The following CSGALNACT1 variants were observed in gnomAD, a reference collection of about 807,000 sequenced individuals.
The protein encoded by CSGALNACT1 is chondroitin sulfate N-acetylgalactosaminyltransferase 1, also known as beta4GalNAcT-1.
A neutral mutation model predicts 51.0 loss-of-function variants in CSGALNACT1; 52 were observed. The observed-to-expected ratio is 1.02, with a 90% CI of 0.82 to 1.29. The LOEUF (loss-of-function observed/expected upper bound fraction) is 1.29. Among genes scored for constraint, CSGALNACT1 ranks in the 50% most tolerant of loss-of-function variants. CSGALNACT1 has a pLI of 0.00. For missense variants in CSGALNACT1, 935 were observed against 679.2 expected (o/e 1.38, Z -4.19); for synonymous variants, 341 against 254.4 (o/e 1.34, Z -3.24).
At chr8:19,632,487 C>CAGAAATAAGCATAGCATT (rs1564305058) in intron 1 of CSGALNACT1, among the ~76,000 whole-genome samples, 5 of 152,264 alleles carry the variant, frequency 3.3e-5, no homozygotes, top group African/African-American at 1.2e-4. Context: ...AAAAAGCATT[C>CAGAAATAAGCATAGCATT]GTCAGAAATA....
intron 3 of CSGALNACT1, among the ~76,000 whole-genome samples, chr8:19,579,574 A>G (rs1446094249): frequency 3.3e-5 from 5 of 152,354 alleles, no homozygotes; most frequent in African/African-American, 1.2e-4. Context: ...AGACGGACAC[A>G]TAGGTATTTG....
chr8:19,413,417 C>A lies in CSGALNACT1; in HGVS notation c.1228-4723G>T, dbSNP rs150273096. 2.5e-4 allele frequency among the ~76,000 whole-genome samples: 38 copies of A among 152,290 alleles called. No individual in the cohort carries two copies. The East Asian group carries it at 7.2e-3, about 29-fold the overall frequency. ...CATCTGTGAAATGAGAATAATAGCACCTCTTCCCCTTATTGAGTATTACGT... is the reference window on the plus strand; with the variant it reads ...CATCTGTGAAATGAGAATAATAGCAACTCTTCCCCTTATTGAGTATTACGT... On this transcript the variant is annotated intron_variant, in intron 8 of 9. Coordinates refer to ENST00000454498, the Ensembl canonical transcript of CSGALNACT1.
chr8:19,534,702 G>A (rs2083417659), intron 3 of CSGALNACT1, among the ~76,000 whole-genome samples: 1 of 152,092 alleles, frequency 6.6e-6, no homozygotes, highest in Admixed American at 6.6e-5. Flanking sequence ...AGCCCCAAGT[G>A]ACCTAAACTC....
chr8:19,624,197 T>C (rs1407841762), intron 1 of CSGALNACT1, among the ~76,000 whole-genome samples: 1 of 152,212 alleles, frequency 6.6e-6, no homozygotes, highest in Non-Finnish European at 1.5e-5. Context: ...CTACTACCTC[T>C]GGTTCCTGAT....
intron 4 of CSGALNACT1, among the ~76,000 whole-genome samples, chr8:19,462,685 T>G (rs12680768): frequency 0.36 from 54,902 of 152,014 alleles, 11,227 homozygotes; most frequent in East Asian, 0.85. Flanking sequence ...TGCTGCTTTC[T>G]GTCTTCCACA....
intron 4 of CSGALNACT1, among the ~76,000 whole-genome samples, chr8:19,497,083 G>A (rs1304415600): frequency 6.6e-6 from 1 of 152,158 alleles, no homozygotes; most frequent in Non-Finnish European, 1.5e-5. Context: ...TGCAGCTGAG[G>A]AAGGCGGAGT....
At chr8:19,432,555 A>C (rs1249258499) in intron 6 of CSGALNACT1, among the ~76,000 whole-genome samples, 1 of 151,922 alleles carries the variant, frequency 6.6e-6, no homozygotes, top group Admixed American at 6.6e-5. Flanking sequence ...CCCATTATTC[A>C]TATGTTTGTA....
At chr8:19,714,336 T>G (rs1023512189) in intron 1 of CSGALNACT1, among the ~76,000 whole-genome samples, 1 of 138,296 alleles carries the variant, frequency 7.2e-6, no homozygotes, top group African/African-American at 2.6e-5. Flanking sequence ...CCTGGGTATG[T>G]TTTTTTTTTG....
chr8:19,527,178 A>G (rs549706204), intron 3 of CSGALNACT1, among the ~76,000 whole-genome samples: 2 of 152,364 alleles, frequency 1.3e-5, no homozygotes, highest in South Asian at 4.1e-4. Flanking sequence ...CTGCTAGGAC[A>G]GAGGAACAAA....
intron 3 of CSGALNACT1, among the ~76,000 whole-genome samples, chr8:19,574,250 G>T (rs1190746782): frequency 6.6e-6 from 1 of 152,138 alleles, no homozygotes; most frequent in Non-Finnish European, 1.5e-5. Context: ...TGTATGAGCT[G>T]CTCTACTGGG....
chr8:19,574,112 C>T (rs747276984), intron 3 of CSGALNACT1, among the ~76,000 whole-genome samples: 1 of 152,174 alleles, frequency 6.6e-6, no homozygotes, highest in Non-Finnish European at 1.5e-5. Context: ...TCTTGCAATG[C>T]TATCCAGGTT....
At chr8:19,443,726 G>A (rs917997285) in intron 5 of CSGALNACT1, among the ~76,000 whole-genome samples, 2 of 152,258 alleles carry the variant, frequency 1.3e-5, no homozygotes, top group Middle Eastern at 3.4e-3. Context: ...ATGTGGGTGG[G>A]GATATAGCTA....
At chr8:19,599,392 G>A (rs2049735225) in intron 2 of CSGALNACT1, among the ~76,000 whole-genome samples, 1 of 150,266 alleles carries the variant, frequency 6.7e-6, no homozygotes. Flanking sequence ...AGCACTTTGG[G>A]AGGCCAAGGA....
intron 4 of CSGALNACT1, among the ~76,000 whole-genome samples, chr8:19,461,741 AGCGGCCACATTCACC>A (rs2065493756): frequency 2.0e-5 from 3 of 151,680 alleles, no homozygotes; most frequent in Non-Finnish European, 2.9e-5. Flanking sequence ...GTATCCGCAC[AGCGGCCACATTCACC>A]ATGGAGGGCG....
chr8:19,433,034 T>A (rs1252969523), intron 6 of CSGALNACT1, among the ~76,000 whole-genome samples: 1 of 152,090 alleles, frequency 6.6e-6, no homozygotes, highest in Non-Finnish European at 1.5e-5. Context: ...TTTAAAAAAA[T>A]GTATTATGGT....
At chr8:19,452,513 G>A (rs2063358149) in intron 5 of CSGALNACT1, among the ~76,000 whole-genome samples, 1 of 152,016 alleles carries the variant, frequency 6.6e-6, no homozygotes, top group African/African-American at 2.4e-5. Flanking sequence ...AGAGTTAGAG[G>A]AGAAGGGATG....
intron 4 of CSGALNACT1, among the ~76,000 whole-genome samples, chr8:19,492,303 C>G (rs570415338): frequency 6.6e-6 from 1 of 152,158 alleles, no homozygotes; most frequent in African/African-American, 2.4e-5. Flanking sequence ...GAAGCCCTCA[C>G]GATGAAATCA....
At chr8:19,748,691 G>A (rs539416603) in intron 1 of CSGALNACT1, among the ~76,000 whole-genome samples, 4 of 152,154 alleles carry the variant, frequency 2.6e-5, no homozygotes, top group Non-Finnish European at 4.4e-5. Context: ...TAGGCTGAGC[G>A]CAGTGGCTCA....
In CSGALNACT1 at chr8:19,757,323, G is replaced by C. The variant is rs1013137704; in HGVS notation, c.-297+527C>G. 1 of 150,716 alleles carries C rather than the reference G, an allele frequency of 6.6e-6. No individual in the cohort carries two copies. Among genetic ancestry groups the C allele is most frequent in the Non-Finnish European group, 1.5e-5 (1 of 67,268 alleles). The allele number at this position is 150,716 out of a possible 1,614,324, so 9.3% of individuals were successfully genotyped here. ...CGGAGCCTCCAGGGACCCCGGGGGC[G>C]GGGAGCAGCGGCGGCGGCGGCGGCT... On this transcript the variant is annotated intron_variant, in intron 1 of 1. Coordinates refer to the CSGALNACT1 transcript ENST00000517494. The surrounding 1 kb of genome is among the most constrained non-coding windows in gnomAD (Gnocchi z 4.0).
Sources: allele counts gnomAD v4.1 joint callset (sites outside exome capture counted in the v4.1 genomes callset), GRCh38; gene constraint gnomAD v4.1.1; non-coding constraint Gnocchi (gnomAD v3.1); transcripts MANE v1.5; gene names NCBI Gene and HGNC (gene_info 2026-07-23, HGNC 2026-07-21).